Variants in KDM4B observed in about 807,000 individuals in gnomAD.
KDM4B encodes the protein lysine-specific demethylase 4B.
A neutral mutation model predicts 125.2 loss-of-function variants in KDM4B; 32 were observed. That is an observed-to-expected ratio of 0.26 (90% confidence interval 0.19 to 0.34). The LOEUF (loss-of-function observed/expected upper bound fraction) is 0.34, where lower values mean the gene tolerates loss of function less well. KDM4B is among the 10% of genes least tolerant of loss of function. The probability of loss-of-function intolerance (pLI) is 1.00; values close to 1 mark genes in which losing one functional copy is unlikely to be tolerated. For synonymous variants in KDM4B, 721 were observed against 677.9 expected, an observed-to-expected ratio of 1.06 and a Z score of -0.99; for missense variants, 1,190 against 1,577.7, an observed-to-expected ratio of 0.75 and a Z score of 4.16.
rs544391664 is a variant in KDM4B at position 5,135,330 on chromosome 19, C to T, written c.2086-9C>T. ...GCTCTGTCCCCTGAAGGTCGCCTCT[C>T]CCCTACAGGCCCTACAGACTGAGAA... On this transcript the variant is annotated splice_polypyrimidine_tract_variant and intron_variant, in intron 14 of 22. Coordinates refer to ENST00000159111, the MANE Select transcript of KDM4B (RefSeq NM_015015.3). 2.5e-6 allele frequency: 4 copies of T among 1,593,856 alleles called. No homozygotes were observed. Among genetic ancestry groups the T allele is most frequent in the Non-Finnish European group, 3.4e-6 (4 of 1,162,816 alleles).
At chr19:5,119,942 G>A in intron 11 of KDM4B, 90 bp downstream of exon 11, 12 of 1,427,984 alleles carry the variant, frequency 8.4e-6, no homozygotes, top group Non-Finnish European at 1.1e-5. Flanking sequence ...TACAGCCAGA[G>A]TCCCCGTTTT....
intron 13 of KDM4B, among the ~76,000 whole-genome samples, 198 bp from the exon 14 acceptor site, chr19:5,133,685 C>T (rs1205504219): frequency 2.6e-5 from 4 of 152,132 alleles, no homozygotes; most frequent in Admixed American, 6.5e-5. Context: ...TGGGATGGGA[C>T]GCTGCAGTGT....
At chr19:5,093,511 T>C (rs2145924434) in intron 9 of KDM4B, among the ~76,000 whole-genome samples, 1 of 152,342 alleles carries the variant, frequency 6.6e-6, no homozygotes, top group East Asian at 1.9e-4. Context: ...GTAGGTTTCC[T>C]AATGAACTGG....
chr19:4,994,035 T>G (rs916144016), intron 1 of KDM4B, among the ~76,000 whole-genome samples: 4 of 150,470 alleles, frequency 2.7e-5, no homozygotes, highest in African/African-American at 9.7e-5. Flanking sequence ...TTTTTTTTTT[T>G]TTTTTTTGTT....
intron 15 of KDM4B, among the ~76,000 whole-genome samples, chr19:5,136,364 G>A (rs2039648664): frequency 6.6e-6 from 1 of 152,204 alleles, no homozygotes; most frequent in Non-Finnish European, 1.5e-5. Flanking sequence ...GGCGGTGGCA[G>A]GAATTGGACT....
At chr19:5,149,523 C>T (rs1599282547) in intron 21 of KDM4B, among the ~76,000 whole-genome samples, 1 of 152,176 alleles carries the variant, frequency 6.6e-6, no homozygotes, top group African/African-American at 2.4e-5. Flanking sequence ...GAACCTTCTC[C>T]CCCTGGAGCA....
intron 9 of KDM4B, among the ~76,000 whole-genome samples, chr19:5,090,190 G>A (rs34896804): frequency 0.086 from 13,034 of 152,186 alleles, 741 homozygotes; most frequent in Non-Finnish European, 0.13. Flanking sequence ...CCCTGGGTCT[G>A]CCAGGGAGAG....
chr19:5,093,500 A>G (rs1028235398), intron 9 of KDM4B, among the ~76,000 whole-genome samples: 3 of 152,188 alleles, frequency 2.0e-5, no homozygotes, highest in Non-Finnish European at 2.9e-5. Flanking sequence ...GAGCACTTCC[A>G]GTAGGTTTCC....
chr19:4,969,497 G>T (rs1446240143), intron 1 of KDM4B, among the ~76,000 whole-genome samples: 14 of 149,572 alleles, frequency 9.4e-5, no homozygotes, highest in Admixed American at 8.0e-4. Context: ...CGGGAGCGGG[G>T]GCCCCTTCCC....
chr19:5,100,462 CAG>C (rs776253721), intron 9 of KDM4B, among the ~76,000 whole-genome samples: 19 of 152,148 alleles, frequency 1.2e-4, no homozygotes, highest in Admixed American at 5.9e-4. Context: ...TGAAATGAGA[CAG>C]AGTCTCAGCC....
intron 9 of KDM4B, among the ~76,000 whole-genome samples, chr19:5,091,453 C>T (rs1301655238): frequency 6.6e-6 from 1 of 152,050 alleles, no homozygotes; most frequent in Non-Finnish European, 1.5e-5. Context: ...GGGAAGGGGA[C>T]GATGACTTGG....
intron 9 of KDM4B, among the ~76,000 whole-genome samples, chr19:5,091,019 T>G (rs916014647): frequency 6.6e-6 from 1 of 152,160 alleles, no homozygotes; most frequent in African/African-American, 2.4e-5. Flanking sequence ...GTAGTGGGAT[T>G]ACTAATGGGG....
intron 6 of KDM4B, among the ~76,000 whole-genome samples, chr19:5,053,940 G>T (rs925319501): frequency 1.3e-5 from 2 of 152,390 alleles, no homozygotes; most frequent in South Asian, 2.1e-4. Flanking sequence ...TGTTTGAGGA[G>T]CGTGGCCGTG....
chr19:5,146,249 C>T lies in KDM4B; in HGVS notation c.3021+1347C>T, dbSNP rs554610185. On this transcript the variant is annotated intron_variant, in intron 21 of 22. Transcript: ENST00000159111. ...TGAGCATCCAGGACCCCCCCCGCTCCGCCGTGCAGGCCGGCCCCGCCCAGT... is the reference window on the plus strand; with the variant it reads ...TGAGCATCCAGGACCCCCCCCGCTCTGCCGTGCAGGCCGGCCCCGCCCAGT... 3.3e-4 allele frequency among the ~76,000 whole-genome samples: 49 copies of T among 148,620 alleles called. No homozygotes were observed. In the East Asian group the frequency reaches 7.0e-3, roughly 21 times the overall value.
At chr19:5,064,920 A>G (rs1460621055) in intron 6 of KDM4B, among the ~76,000 whole-genome samples, 2 of 152,190 alleles carry the variant, frequency 1.3e-5, no homozygotes, top group African/African-American at 4.8e-5. Flanking sequence ...CTGGTCTGAG[A>G]GGCAGCGGCC....
intron 1 of KDM4B, among the ~76,000 whole-genome samples, chr19:4,994,405 C>T (rs2035133359): frequency 6.6e-6 from 1 of 151,764 alleles, no homozygotes; most frequent in Non-Finnish European, 1.5e-5. Context: ...AACCTTGTCT[C>T]TACTAAAAAT....
intron 9 of KDM4B, among the ~76,000 whole-genome samples, chr19:5,089,668 A>T (rs1030129819): frequency 4.0e-5 from 6 of 150,628 alleles, no homozygotes; most frequent in Non-Finnish European, 8.8e-5. Context: ...ATATGCACTA[A>T]CTTCTCAATA....
At chr19:5,108,085 C>CTCAGGCCGTGCT (rs2039069780) in intron 9 of KDM4B, among the ~76,000 whole-genome samples, 1 of 152,262 alleles carries the variant, frequency 6.6e-6, no homozygotes, top group Non-Finnish European at 1.5e-5. Flanking sequence ...GGCAAGGGGG[C>CTCAGGCCGTGCT]TCAGGCCGTG....
At chr19:5,116,315 C>G (rs1209243579) in intron 10 of KDM4B, among the ~76,000 whole-genome samples, 2 of 146,600 alleles carry the variant, frequency 1.4e-5, no homozygotes, top group Non-Finnish European at 3.0e-5. Flanking sequence ...CATAATGCCA[C>G]AAGCTAAAAG....
Sources: gnomAD v4.1 joint callset for allele counts (sites outside exome capture counted in the v4.1 genomes callset) on GRCh38, gnomAD v4.1.1 for gene constraint, MANE v1.5 for transcripts, NCBI Gene and HGNC (gene_info 2026-07-23, HGNC 2026-07-21) for gene names.